MBOAT1: variants seen among roughly 807,000 people sequenced by gnomAD.
MBOAT1 encodes membrane-bound glycerophospholipid O-acyltransferase 1.
A neutral mutation model predicts 64.4 loss-of-function variants in MBOAT1; 67 were observed. That is an observed-to-expected ratio of 1.04 (90% CI 0.85 to 1.27). The LOEUF is 1.27. MBOAT1 is among the 50% of genes most tolerant of loss of function. The pLI is 0.00. For missense variants in MBOAT1, 563 were observed against 604.6 expected (o/e 0.93, Z 0.72); for synonymous variants, 229 against 218.9 (o/e 1.05, Z -0.41).
intron 1 of MBOAT1, among the ~76,000 whole-genome samples, chr6:20,194,815 C>T (rs973991703): frequency 2.0e-5 from 3 of 152,194 alleles, no homozygotes; most frequent in African/African-American, 7.2e-5. Context: ...AATTCTTCCA[C>T]AGGGAGATTT....
At chr6:20,108,390 G>C (rs1177603196) in intron 12 of MBOAT1, among the ~76,000 whole-genome samples, 2 of 152,130 alleles carry the variant, frequency 1.3e-5, no homozygotes, top group Non-Finnish European at 2.9e-5. Flanking sequence ...AACCAGTACA[G>C]CTTCCATGTT....
intron 1 of MBOAT1, among the ~76,000 whole-genome samples, chr6:20,161,088 T>C (rs1761843084): frequency 6.6e-6 from 1 of 152,034 alleles, no homozygotes; most frequent in Non-Finnish European, 1.5e-5. Context: ...TCATCTGTAT[T>C]TACAGTCACT....
intron 12 of MBOAT1, 84 bp from the exon 13 acceptor site, chr6:20,102,496 A>G (rs1055036541): frequency 8.4e-7 from 1 of 1,194,892 alleles, no homozygotes; most frequent in Middle Eastern, 2.4e-4. Flanking sequence ...CTACAGTATG[A>G]CAAGTGAGAG....
At chr6:20,132,839 G>C (rs1760872545) in intron 4 of MBOAT1, among the ~76,000 whole-genome samples, 1 of 152,152 alleles carries the variant, frequency 6.6e-6, no homozygotes, top group African/African-American at 2.4e-5. Flanking sequence ...GACTTTACTA[G>C]TCTATATAAA....
Position 20,101,844 on chromosome 6 carries a change from G to A in MBOAT1, c.*442C>T, listed in dbSNP as rs138232158. Among the ~76,000 whole-genome samples, 297 of 152,088 alleles carry A rather than the reference G, an allele frequency of 2.0e-3. 2 individuals are homozygous for A. The highest frequency in any genetic ancestry group is 6.7e-3 in the African/African-American group (278 of 41,508). On this transcript the variant is annotated 3_prime_UTR_variant, in exon 13 of 13. Coordinates refer to ENST00000324607, the MANE Select transcript of MBOAT1 (RefSeq NM_001080480.3). ...TATAAAAATACTCCCGGCCGGGCGC[G>A]GTGGCTCACGCCTGTAATCCCAGCA...
chr6:20,177,794 A>G (rs1484121840), intron 1 of MBOAT1, among the ~76,000 whole-genome samples: 1 of 136,260 alleles, frequency 7.3e-6, no homozygotes, highest in Admixed American at 7.9e-5. Flanking sequence ...AAAAAAAACA[A>G]AAAACTTGGT....
intron 4 of MBOAT1, among the ~76,000 whole-genome samples, chr6:20,135,597 G>T (rs1299910563): frequency 6.6e-6 from 1 of 152,156 alleles, no homozygotes; most frequent in African/African-American, 2.4e-5. Context: ...AAGGTAGGAT[G>T]GGACAATGAG....
At chr6:20,192,176 T>C (rs1486542987) in intron 1 of MBOAT1, among the ~76,000 whole-genome samples, 1 of 152,210 alleles carries the variant, frequency 6.6e-6, no homozygotes, top group African/African-American at 2.4e-5. Context: ...TCTTTCACAC[T>C]TCCTGGGTAC....
Position 20,133,015 on chromosome 6 carries a change from T to C in MBOAT1, c.420-1816A>G, listed in dbSNP as rs1479423025. ...ATGAGGATACATTTTCAACTATAAATATATGTAAATAAGATAAACTATTTT... is the reference window on the plus strand; with the variant it reads ...ATGAGGATACATTTTCAACTATAAACATATGTAAATAAGATAAACTATTTT... On this transcript the variant is annotated intron_variant, in intron 4 of 12. Transcript: ENST00000324607. Among the ~76,000 whole-genome samples, 8 of 152,216 alleles carry C rather than the reference T, an allele frequency of 5.3e-5. No homozygotes were observed. In the East Asian group the frequency reaches 5.8e-4, roughly 11 times the overall value.
At chr6:20,138,000 G>C (rs1761049537) in intron 4 of MBOAT1, among the ~76,000 whole-genome samples, 1 of 152,148 alleles carries the variant, frequency 6.6e-6, no homozygotes, top group Admixed American at 6.5e-5. Context: ...CTTGTGGTTT[G>C]CTCGCATGCC....
intron 12 of MBOAT1, among the ~76,000 whole-genome samples, chr6:20,102,658 C>T (rs544139417): frequency 2.0e-5 from 3 of 152,276 alleles, no homozygotes; most frequent in South Asian, 4.1e-4. Context: ...TGGATACACA[C>T]GGTACCGTCC....
intron 1 of MBOAT1, among the ~76,000 whole-genome samples, chr6:20,193,214 G>C (rs78769180): frequency 6.6e-6 from 1 of 150,722 alleles, no homozygotes; most frequent in Non-Finnish European, 1.5e-5. Flanking sequence ...CACCGTGTTA[G>C]CCAGGATGGT....
intron 1 of MBOAT1, among the ~76,000 whole-genome samples, chr6:20,173,142 C>T (rs1581443471): frequency 6.6e-6 from 1 of 152,176 alleles, no homozygotes; most frequent in African/African-American, 2.4e-5. Context: ...GAAGCTGATG[C>T]GGCCATGCTT....
intron 1 of MBOAT1, among the ~76,000 whole-genome samples, chr6:20,159,477 G>A (rs572329859): frequency 6.6e-6 from 1 of 152,246 alleles, no homozygotes; most frequent in East Asian, 1.9e-4. Context: ...TGTCATTTGC[G>A]ACAACATGAT....
chr6:20,115,294 A>G lies in MBOAT1; in HGVS notation c.1070T>C (p.Leu357Pro), dbSNP rs751868677. 1.9e-5 allele frequency: 31 copies of G among 1,613,466 alleles called. No homozygotes were observed. The South Asian group carries it at 3.2e-4, about 17-fold the overall frequency. Reference sequence around the variant, plus strand: ...TCGTTTTTGTTTTTCTTACCACTTTAGCCAAGTAGCTGTCTGAATATTCCA... The same window carrying G: ...TCGTTTTTGTTTTTCTTACCACTTTGGCCAAGTAGCTGTCTGAATATTCCA... ...ENWNIQTATW[L>P]KCVCYQRVPW... The change falls in exon 10 of 13, where the codon CTA becomes CCA. Residue 357 changes from leucine to proline, a missense_variant. Leu to Pro is a moderately conservative substitution (Grantham distance 98). Transcript: ENST00000324607.
intron 1 of MBOAT1, among the ~76,000 whole-genome samples, chr6:20,168,561 GAGAA>G (rs1233706310): frequency 5.2e-5 from 6 of 116,350 alleles, no homozygotes; most frequent in Non-Finnish European, 1.1e-4. Flanking sequence ...AACAGAGAAA[GAGAA>G]AGAGAGAGAG....
chr6:20,178,367 T>A (rs947645044), intron 1 of MBOAT1, among the ~76,000 whole-genome samples: 15 of 152,126 alleles, frequency 9.9e-5, no homozygotes, highest in Non-Finnish European at 1.5e-5. Context: ...AGAGGGGCAC[T>A]CAGGAAAGTT....
rs565390068 is a variant in MBOAT1, at chr6:20,143,354, C to A, written c.419+866G>T. ...ACCACATTAAGGCCATGGTAATAGACAAAATGTTTAGAAATTATCCTTCTA... is the reference window on the plus strand; with the variant it reads ...ACCACATTAAGGCCATGGTAATAGAAAAAATGTTTAGAAATTATCCTTCTA... On this transcript the variant is annotated intron_variant, in intron 4 of 12. Coordinates refer to ENST00000324607, the MANE Select transcript of MBOAT1 (RefSeq NM_001080480.3). Among the ~76,000 whole-genome samples, 99 of 152,284 alleles carry A rather than the reference C, an allele frequency of 6.5e-4. 1 individual carries two copies. Among genetic ancestry groups the A allele is most frequent in the Non-Finnish European group, 1.1e-3 (72 of 68,018 alleles).
intron 1 of MBOAT1, among the ~76,000 whole-genome samples, chr6:20,177,437 T>A (rs1479389083): frequency 1.3e-5 from 2 of 152,124 alleles, no homozygotes; most frequent in Non-Finnish European, 2.9e-5. Flanking sequence ...AAAGAGATCC[T>A]CCTGCCTCAG....
Sources: gnomAD v4.1 joint callset for allele counts (sites outside exome capture counted in the v4.1 genomes callset) on GRCh38, gnomAD v4.1.1 for gene constraint, MANE v1.5 for transcripts, NCBI Gene and HGNC (gene_info 2026-07-23, HGNC 2026-07-21) for gene names.